LRRC4C: variants seen among roughly 807,000 people sequenced by gnomAD.
The protein encoded by LRRC4C is leucine-rich repeat-containing protein 4C.
Under a neutral mutation model 33.6 loss-of-function variants are expected in LRRC4C, and 5 were observed. The observed-to-expected ratio is 0.15, with a 90% CI of 0.08 to 0.31. The LOEUF (loss-of-function observed/expected upper bound fraction) is 0.31. Ranked by LOEUF, LRRC4C falls within the 10% of genes least tolerant of loss-of-function variation. LRRC4C has a pLI of 1.00. For missense variants in LRRC4C, 560 were observed against 796.7 expected (o/e 0.70, Z 3.58); for synonymous variants, 329 against 302.0 (o/e 1.09, Z -0.93).
At chr11:40,504,694 A>G (rs2138659587) in intron 3 of LRRC4C, among the ~76,000 whole-genome samples, 1 of 152,320 alleles carries the variant, frequency 6.6e-6, no homozygotes, top group Non-Finnish European at 1.5e-5. Flanking sequence ...TCAATATTAA[A>G]TTATAATTTC....
chr11:40,442,777 A>G (rs1951454371), intron 3 of LRRC4C, among the ~76,000 whole-genome samples: 1 of 152,200 alleles, frequency 6.6e-6, no homozygotes, highest in Non-Finnish European at 1.5e-5. Flanking sequence ...CTGATAACTC[A>G]CTGTACAGCC....
At chr11:40,462,879 G>C (rs572400828) in intron 3 of LRRC4C, among the ~76,000 whole-genome samples, 2 of 151,972 alleles carry the variant, frequency 1.3e-5, no homozygotes, top group South Asian at 4.2e-4. Context: ...CTAAATGGAT[G>C]GTCCTACTCA....
At chr11:40,772,526 T>A (rs964455852) in intron 2 of LRRC4C, among the ~76,000 whole-genome samples, 5 of 152,140 alleles carry the variant, frequency 3.3e-5, no homozygotes, top group African/African-American at 1.2e-4. Flanking sequence ...AATCTGATTT[T>A]AAAAATGGGC....
chr11:40,328,941 C>T (rs1946222406), intron 3 of LRRC4C, among the ~76,000 whole-genome samples: 1 of 152,152 alleles, frequency 6.6e-6, no homozygotes. Flanking sequence ...TTTTCAAAGA[C>T]ATATTAATAT....
At chr11:40,772,358 C>A (rs970804993) in intron 2 of LRRC4C, among the ~76,000 whole-genome samples, 105 of 152,278 alleles carry the variant, frequency 6.9e-4, no homozygotes, top group African/African-American at 2.5e-3. Flanking sequence ...CACGAGGTCC[C>A]TCTCCCAACA....
At chr11:40,904,718 T>C (rs890337179) in intron 2 of LRRC4C, among the ~76,000 whole-genome samples, 1 of 152,036 alleles carries the variant, frequency 6.6e-6, no homozygotes. Context: ...TTTCCTAAGG[T>C]CTCCCCTCCC....
At chr11:40,492,943 T>A (rs1954237423) in intron 3 of LRRC4C, among the ~76,000 whole-genome samples, 1 of 152,092 alleles carries the variant, frequency 6.6e-6, no homozygotes, top group African/African-American at 2.4e-5. Flanking sequence ...CTATCACCTT[T>A]AATTCCCAAG....
rs568837867 is a variant in LRRC4C, at chr11:41,098,861, T to C, written c.-495-165138A>G. On this transcript the variant is annotated intron_variant, in intron 1 of 6. Transcript: ENST00000528697. ...TATCAGAGCTGAACTGAAGGAAATT[T>C]AGATACCAAAAATTCAAAAGATCAA... Among the ~76,000 whole-genome samples, 29 of 152,102 alleles carry C rather than the reference T, an allele frequency of 1.9e-4. 1 individual carries two copies. In the South Asian group the frequency reaches 6.0e-3, roughly 32 times the overall value.
rs115171365 is a variant in LRRC4C, at chr11:41,286,125, G to A, written c.-496+173306C>T. Among the ~76,000 whole-genome samples, 903 of 152,238 alleles carry A rather than the reference G, an allele frequency of 5.9e-3. 7 individuals carry two copies. The highest frequency in any genetic ancestry group is 0.019 in the African/African-American group (803 of 41,554). On this transcript the variant is annotated intron_variant, in intron 1 of 6. Coordinates refer to ENST00000528697, the MANE Select transcript of LRRC4C (RefSeq NM_001258419.2). ...ATTACAGGCGTGAGCCACCACGCCC[G>A]CCTAGTCAATCTCTTTTTAAGAGCA...
intron 1 of LRRC4C, among the ~76,000 whole-genome samples, chr11:41,239,803 A>G (rs746674443): frequency 3.3e-5 from 5 of 152,178 alleles, no homozygotes; most frequent in Admixed American, 6.5e-5. Flanking sequence ...AGCTCCTTGT[A>G]CAGAATGATT....
intron 2 of LRRC4C, among the ~76,000 whole-genome samples, chr11:40,786,221 G>T (rs1306051969): frequency 3.3e-5 from 5 of 152,070 alleles, no homozygotes; most frequent in Non-Finnish European, 7.4e-5. Context: ...TTATACCTTT[G>T]CATGGCCTCA....
At chr11:40,281,156 C>A (rs1315628204) in intron 4 of LRRC4C, among the ~76,000 whole-genome samples, 1 of 152,126 alleles carries the variant, frequency 6.6e-6, no homozygotes, top group African/African-American at 2.4e-5. Context: ...TGGCAACGTT[C>A]AAAACAATAC....
At chr11:41,116,021 T>C (rs1167047687) in intron 1 of LRRC4C, among the ~76,000 whole-genome samples, 1 of 152,138 alleles carries the variant, frequency 6.6e-6, no homozygotes, top group Non-Finnish European at 1.5e-5. Context: ...CCAGCAATGT[T>C]CAAATATGTG....
chr11:40,591,475 G>C (rs1248899488), intron 3 of LRRC4C, among the ~76,000 whole-genome samples: 2 of 152,184 alleles, frequency 1.3e-5, no homozygotes, highest in East Asian at 3.9e-4. Flanking sequence ...GACCGGAGCT[G>C]TTCCTATTCG....
intron 1 of LRRC4C, among the ~76,000 whole-genome samples, chr11:41,376,751 A>G (rs922927553): frequency 6.6e-6 from 1 of 152,158 alleles, no homozygotes; most frequent in African/African-American, 2.4e-5. Context: ...GAAAATATAC[A>G]TATATTATAA....
intron 1 of LRRC4C, among the ~76,000 whole-genome samples, chr11:41,147,210 C>T (rs1943765996): frequency 6.6e-6 from 1 of 152,098 alleles, no homozygotes; most frequent in Non-Finnish European, 1.5e-5. Context: ...CTATGACTTC[C>T]AGAGCACACA....
chr11:41,182,412 C>T (rs1309246113), intron 1 of LRRC4C, among the ~76,000 whole-genome samples: 1 of 152,098 alleles, frequency 6.6e-6, no homozygotes, highest in African/African-American at 2.4e-5. Context: ...CTACTGTATA[C>T]TATGGATTGA....
chr11:40,895,546 T>C (rs1955901745), intron 2 of LRRC4C, among the ~76,000 whole-genome samples: 1 of 152,158 alleles, frequency 6.6e-6, no homozygotes, highest in Non-Finnish European at 1.5e-5. Context: ...TCATCTTCTG[T>C]GCCTGCTGAA....
intron 3 of LRRC4C, among the ~76,000 whole-genome samples, chr11:40,373,774 T>G (rs1948554021): frequency 6.6e-6 from 1 of 152,156 alleles, no homozygotes; most frequent in Admixed American, 6.6e-5. Context: ...CCTGTTGCTC[T>G]TACTTCCTCT....
Sources: allele counts gnomAD v4.1 joint callset (sites outside exome capture counted in the v4.1 genomes callset), GRCh38; gene constraint gnomAD v4.1.1; transcripts MANE v1.5; gene names NCBI Gene and HGNC (gene_info 2026-07-23, HGNC 2026-07-21).